Variants in MYH11 observed in about 807,000 individuals in gnomAD.
MYH11 encodes the protein myosin-11.
MYH11 carries 80 observed loss-of-function variants against 246.6 expected under a neutral mutation model. That is an observed-to-expected ratio of 0.32 (90% confidence interval 0.27 to 0.39). The LOEUF is 0.39. MYH11 is among the 10% of genes least tolerant of loss of function. The pLI is 1.00. For synonymous variants in MYH11, 1,071 were observed against 1,015.5 expected (o/e 1.05, Z -1.04); for missense variants, 2,158 against 2,546.8 (o/e 0.85, Z 3.29).
chr16:15,786,782 C>T (rs1403758592), intron 4 of MYH11, 50 bp from the exon 5 acceptor site: 1 of 1,507,756 alleles, frequency 6.6e-7, no homozygotes, highest in African/African-American at 1.4e-5. Context: ...GGTGACCTTT[C>T]CGCAGTTCCA....
intron 1 of MYH11, among the ~76,000 whole-genome samples, chr16:15,849,952 T>C (rs1411421490): frequency 6.6e-6 from 1 of 152,186 alleles, no homozygotes; most frequent in East Asian, 1.9e-4. Context: ...ATGGGACCCG[T>C]CTGTGACTCC....
chr16:15,711,191 G>C (rs2039772306), intron 40 of MYH11: 1 of 152,204 alleles, frequency 6.6e-6, no homozygotes, highest in Non-Finnish European at 1.5e-5. Context: ...GAGGGGTTTG[G>C]ACTTTTCCCT....
At chr16:15,795,202 A>C (rs976406902) in intron 4 of MYH11, among the ~76,000 whole-genome samples, 1 of 152,174 alleles carries the variant, frequency 6.6e-6, no homozygotes, top group African/African-American at 2.4e-5. Flanking sequence ...CTGAGGCAGG[A>C]GAATTGCTTG....
Position 15,756,395 on chromosome 16 carries a change from C to G in MYH11, c.1695G>C (p.Lys565Asn). ...CAGTCTTGTCCTTGAGCTGCTTGGG[C>G]TTCTGGAACTTGGGGTGGCTGCCCT... The part of the protein sequence containing the change: ...TEQGSHPKFQ[K>N]PKQLKDKTEF... Residue 565 changes from lysine to asparagine, a missense_variant, in exon 14 of 41, where the codon AAG becomes AAC. Coordinates refer to ENST00000300036, the MANE Select transcript of MYH11 (RefSeq NM_002474.3). 6.2e-7 allele frequency: 1 copy of G among 1,614,178 alleles called. No individual in the cohort carries two copies. The highest frequency in any genetic ancestry group is 2.2e-5 in the East Asian group (1 of 44,882).
At chr16:15,782,510 A>G in intron 5 of MYH11, 33 bp from the exon 6 acceptor site, 2 of 1,574,358 alleles carry the variant, frequency 1.3e-6, no homozygotes, top group Non-Finnish European at 1.7e-6. Context: ...TATTGGAGAA[A>G]GCAACCTAGG....
intron 3 of MYH11, among the ~76,000 whole-genome samples, chr16:15,804,382 C>A (rs1012963495): frequency 6.6e-6 from 1 of 151,964 alleles, no homozygotes; most frequent in East Asian, 1.9e-4. Context: ...ATTAGCTGGG[C>A]GCGGTGGTGC....
At chr16:15,835,385 CT>C (rs1404048579) in intron 2 of MYH11, among the ~76,000 whole-genome samples, 1 of 152,184 alleles carries the variant, frequency 6.6e-6, no homozygotes, top group Non-Finnish European at 1.5e-5. Context: ...TGCACCGCAT[CT>C]CTGGTTAAGG....
rs1354672390 is a variant in MYH11, at chr16:15,737,586, C to T, written c.3156G>A (p.Glu1052=). ...CCAGCTTCCGTTTCAGCTTCTCCAG[C>T]TCCTGTCGGCTCTTCTCTTCCTTCT... ...RLKKEEKSRQ[E]LEKLKRKLEG... The change falls in exon 25 of 41, where the codon GAG becomes GAA. Residue 1052 remains glutamate (E), a synonymous_variant. Transcript: ENST00000300036. The T allele has an allele frequency of 6.2e-7, 1 of 1,613,662 alleles. No homozygotes were observed. Among genetic ancestry groups the T allele is most frequent in the Non-Finnish European group, 8.5e-7 (1 of 1,180,012 alleles).
intron 1 of MYH11, among the ~76,000 whole-genome samples, chr16:15,854,652 T>A (rs2044416136): frequency 6.6e-6 from 1 of 151,892 alleles, no homozygotes; most frequent in South Asian, 2.1e-4. Context: ...TTTGGGGAGG[T>A]GCGGGAGATG....
At chr16:15,755,416 T>C (rs568826237) in intron 14 of MYH11, among the ~76,000 whole-genome samples, 29 of 152,238 alleles carry the variant, frequency 1.9e-4, no homozygotes, top group African/African-American at 6.7e-4. Context: ...CAGGTGTGGA[T>C]GTATTAGTCA....
chr16:15,810,192 C>T (rs1251841681), intron 3 of MYH11, among the ~76,000 whole-genome samples: 1 of 151,680 alleles, frequency 6.6e-6, no homozygotes, highest in African/African-American at 2.4e-5. Context: ...CACCACCATG[C>T]CTGGCTAATT....
At chr16:15,755,304 T>C (rs987636801) in intron 14 of MYH11, among the ~76,000 whole-genome samples, 1 of 152,180 alleles carries the variant, frequency 6.6e-6, no homozygotes, top group African/African-American at 2.4e-5. Flanking sequence ...ATGTTGATGA[T>C]GATGATGATG....
At chr16:15,793,746 A>C (rs908176139) in intron 4 of MYH11, among the ~76,000 whole-genome samples, 1 of 147,276 alleles carries the variant, frequency 6.8e-6, no homozygotes, top group African/African-American at 2.5e-5. Context: ...CAGCCTCCTG[A>C]ATAGCTGGGA....
chr16:15,788,796 ATATGTG>A (rs1296917423), intron 4 of MYH11, among the ~76,000 whole-genome samples: 1,119 of 94,918 alleles, frequency 0.012, 20 homozygotes, highest in African/African-American at 0.024. Context: ...AGACCAGAAT[ATATGTG>A]TGTGTGTGTG....
intron 26 of MYH11, among the ~76,000 whole-genome samples, chr16:15,734,655 C>G (rs577895982): frequency 4.7e-4 from 71 of 152,228 alleles, no homozygotes; most frequent in African/African-American, 1.6e-3. Flanking sequence ...CTGAGTATAT[C>G]CAAGCTTACC....
At chr16:15,827,263 G>T (rs1454009007) in intron 2 of MYH11, among the ~76,000 whole-genome samples, 1 of 152,142 alleles carries the variant, frequency 6.6e-6, no homozygotes. Flanking sequence ...TAGGAACAAG[G>T]AAGGGAAGGC....
At chr16:15,714,489 T>C in intron 40 of MYH11, 1 of 277,604 alleles carries the variant, frequency 3.6e-6, no homozygotes. Flanking sequence ...GCAGCCCAGA[T>C]GGCAGCAGTG....
intron 4 of MYH11, among the ~76,000 whole-genome samples, chr16:15,794,180 T>A (rs938298954): frequency 3.3e-5 from 5 of 151,548 alleles, no homozygotes; most frequent in African/African-American, 1.2e-4. Context: ...ACTCCTGACC[T>A]CGTGATCCGC....
chr16:15,748,287 C>T (rs984158701), intron 16 of MYH11, 119 bp from the exon 17 acceptor site: 3 of 1,528,174 alleles, frequency 2.0e-6, no homozygotes, highest in South Asian at 2.3e-5. Flanking sequence ...AACAGAAGCA[C>T]CCAAGGAGGG....
Sources: allele counts gnomAD v4.1 joint callset (sites outside exome capture counted in the v4.1 genomes callset), GRCh38; gene constraint gnomAD v4.1.1; transcripts MANE v1.5; gene names NCBI Gene and HGNC (gene_info 2026-07-23, HGNC 2026-07-21).